The following NBPF3 variants were observed in gnomAD, a reference collection of about 807,000 sequenced individuals.
NBPF3 encodes NBPF member 3, also known as NBPF family member NBPF3.
In NBPF3, 57 loss-of-function variants were observed where a neutral mutation model predicts 78.1. The observed-to-expected ratio is 0.73, with a 90% CI of 0.59 to 0.91. The LOEUF is 0.91. NBPF3 is among the 40% of genes least tolerant of loss of function. NBPF3 has a pLI of 0.00. For synonymous variants in NBPF3, 182 were observed against 271.7 expected, an observed-to-expected ratio of 0.67 and a Z score of 3.25; for missense variants, 510 against 715.3, an observed-to-expected ratio of 0.71 and a Z score of 3.27.
chr1:21,477,002 T>C lies in NBPF3; in HGVS notation c.993-1142T>C, dbSNP rs572641280. ...TTTTACTCTTTTTTCTCTAAACTGC[T>C]CTTCTCACTTCATTTCATTAATTTG... On this transcript the variant is annotated intron_variant, in intron 8 of 14. Coordinates refer to ENST00000318249, the MANE Select transcript of NBPF3 (RefSeq NM_032264.6). Among the ~76,000 whole-genome samples the C allele has an allele frequency of 1.2e-4, 19 of 152,326 alleles. No homozygotes were observed. In the South Asian group the frequency reaches 3.9e-3, roughly 32 times the overall value.
intron 2 of NBPF3, among the ~76,000 whole-genome samples, chr1:21,462,151 T>C (rs1641984850): frequency 6.6e-6 from 1 of 152,152 alleles, no homozygotes; most frequent in Non-Finnish European, 1.5e-5. Context: ...CCATGCTTCT[T>C]GTACAGCCTG....
chr1:21,452,426 T>G (rs752590427), intron 2 of NBPF3, among the ~76,000 whole-genome samples: 2 of 152,170 alleles, frequency 1.3e-5, no homozygotes, highest in African/African-American at 2.4e-5. Context: ...GGAACCAGAA[T>G]AACAGAATAT....
rs1423996262 is a variant in NBPF3 at position 21,460,600 on chromosome 1, A to G, written c.134-8088A>G. ...TGGTTTTAAAAAGTTAATATTAACC[A>G]CTCTTCATCATACACTGAAATTAAC... On this transcript the variant is annotated intron_variant, in intron 2 of 14. Transcript: ENST00000318249. The surrounding 1 kb of genome is among the most constrained non-coding windows in gnomAD (Gnocchi z 4.2). 1.3e-5 allele frequency among the ~76,000 whole-genome samples: 2 copies of G among 152,240 alleles called. No homozygotes were observed. The highest frequency in any genetic ancestry group is 4.8e-5 in the African/African-American group (2 of 41,458).
chr1:21,441,725 A>G (rs1640663371), intron 1 of NBPF3, among the ~76,000 whole-genome samples: 2 of 150,960 alleles, frequency 1.3e-5, no homozygotes, highest in Admixed American at 1.3e-4. Context: ...AAAAAAAAAA[A>G]GTAATGAATT....
At chr1:21,469,279 G>A (rs1160426272) in intron 3 of NBPF3, among the ~76,000 whole-genome samples, 1 of 152,194 alleles carries the variant, frequency 6.6e-6, no homozygotes, top group Admixed American at 6.5e-5. Flanking sequence ...AACCCTTATT[G>A]TGTTCAAGCT....
chr1:21,460,972 G>A lies in NBPF3; in HGVS notation c.134-7716G>A, dbSNP rs959779960. ...TTCAATGAACATAAAATTTTGAGAA[G>A]ATATTTTCCATAAGAAGATATCTTA... On this transcript the variant is annotated intron_variant, in intron 2 of 14. Transcript: ENST00000318249. This position sits in a 1 kb window ranked among gnomAD's most constrained non-coding sequence, Gnocchi z 4.2. 4.6e-5 allele frequency among the ~76,000 whole-genome samples: 7 copies of A among 152,088 alleles called. No homozygotes were observed. Among genetic ancestry groups the A allele is most frequent in the Admixed American group, 3.9e-4 (6 of 15,278 alleles).
Position 21,468,808 on chromosome 1 carries a change from C to T in NBPF3, c.254C>T (p.Ala85Val), listed in dbSNP as rs1328608981. Residue 85 changes from alanine to valine, a missense_variant, in exon 3 of 15, where the codon GCA becomes GTA. Around this residue, in one of 5 missense-constraint regions of NBPF3, gnomAD observed 440 missense variants for 478.2 expected, o/e 0.92. Coordinates refer to ENST00000318249, the MANE Select transcript of NBPF3 (RefSeq NM_032264.6). ...AACAAGAAATCGCGCCCCCAGCTGG[C>T]AGAGAACAAACAGCAGTTCAGAAAC... ...EINKKSRPQL[A>V]ENKQQFRNLK... The T allele has an allele frequency of 5.6e-5, 90 of 1,614,004 alleles. No individual in the cohort carries two copies. The highest frequency in any genetic ancestry group is 7.5e-5 in the Non-Finnish European group (89 of 1,180,022).
At chr1:21,443,464 C>T (rs1471783595) in intron 1 of NBPF3, among the ~76,000 whole-genome samples, 1 of 152,174 alleles carries the variant, frequency 6.6e-6, no homozygotes, top group Non-Finnish European at 1.5e-5. Flanking sequence ...AAGGCAGTAA[C>T]ACTTTTATAC....
rs1464553871 is a variant in NBPF3 at position 21,442,834 on chromosome 1, G to C, written c.-139-2114G>C. On this transcript the variant is annotated intron_variant, in intron 1 of 14. Coordinates refer to ENST00000318249, the MANE Select transcript of NBPF3 (RefSeq NM_032264.6). ...GTGCCACCATGCCTGGCTAATTTTC[G>C]TATTTTTTGTAGAGATGGGGTTGCA... 2.0e-5 allele frequency among the ~76,000 whole-genome samples: 3 copies of C among 151,952 alleles called. No homozygotes were observed. The South Asian group carries it at 6.2e-4, about 32-fold the overall frequency.
chr1:21,448,093 A>G (rs1641093951), intron 2 of NBPF3, among the ~76,000 whole-genome samples: 1 of 151,926 alleles, frequency 6.6e-6, no homozygotes, highest in Non-Finnish European at 1.5e-5. Context: ...TGCTTTTTCC[A>G]TTCTCTTGAC....
At chr1:21,456,963 C>G (rs1231128498) in intron 2 of NBPF3, among the ~76,000 whole-genome samples, 2 of 152,070 alleles carry the variant, frequency 1.3e-5, no homozygotes, top group Non-Finnish European at 2.9e-5. Context: ...TGTTAATAAT[C>G]CTAGAAATCT....
chr1:21,455,494 CA>C (rs1367878105), intron 2 of NBPF3, among the ~76,000 whole-genome samples: 9 of 152,214 alleles, frequency 5.9e-5, no homozygotes, highest in Non-Finnish European at 1.3e-4. Flanking sequence ...CCTCCATAAA[CA>C]ACCGTAAAAT....
intron 1 of NBPF3, 98 bp downstream of exon 1, chr1:21,440,446 C>T (rs1395000638): frequency 9.1e-6 from 1 of 110,426 alleles, no homozygotes; most frequent in South Asian, 3.4e-4. Flanking sequence ...GTTGCGCGAG[C>T]GCGGGGGCGG....
intron 2 of NBPF3, among the ~76,000 whole-genome samples, chr1:21,447,183 C>T (rs868315152): frequency 6.6e-6 from 1 of 152,236 alleles, no homozygotes; most frequent in Non-Finnish European, 1.5e-5. Flanking sequence ...CTCCCCTGTC[C>T]TCCACACAAT....
At chr1:21,471,462 T>C in intron 4 of NBPF3, 107 bp from the exon 5 acceptor site, 4 of 1,549,112 alleles carry the variant, frequency 2.6e-6, no homozygotes, top group Non-Finnish European at 3.5e-6. Context: ...GACCTTCTGC[T>C]TGGAGGTCTC....
chr1:21,455,679 A>G (rs1343022101), intron 2 of NBPF3, among the ~76,000 whole-genome samples: 1 of 152,260 alleles, frequency 6.6e-6, no homozygotes, highest in African/African-American at 2.4e-5. Context: ...AGACCATTGA[A>G]GCAACTGCAA....
chr1:21,457,352 A>ATATATATATGTATG (rs1553390329), intron 2 of NBPF3, among the ~76,000 whole-genome samples: 4,425 of 144,156 alleles, frequency 0.031, 216 homozygotes, highest in African/African-American at 0.099. Flanking sequence ...GTGTGTGTAT[A>ATATATATATGTATG]TATATATATA....
At chr1:21,482,264 A>G (rs1335606141) in intron 13 of NBPF3, among the ~76,000 whole-genome samples, 3 of 139,924 alleles carry the variant, frequency 2.1e-5, no homozygotes, top group African/African-American at 8.3e-5. Flanking sequence ...TATTGGGATA[A>G]TGATCTACCA....
rs372318961 is a variant in NBPF3 at position 21,445,235 on chromosome 1, C to T, written c.133+16C>T. The T allele has an allele frequency of 2.5e-5, 40 of 1,610,052 alleles. No individual in the cohort carries two copies. In the African/African-American group the frequency reaches 4.1e-4, roughly 17 times the overall value. The stretch of plus-strand genomic sequence containing the variant: ...GATCCAACAGGTAAAAATCCCGAGG[C>T]ATTGCCAGCTCGGTGGGGTCAGAGA... On this transcript the variant is annotated intron_variant, in intron 2 of 14. Transcript: ENST00000318249.
Sources: allele counts gnomAD v4.1 joint callset (sites outside exome capture counted in the v4.1 genomes callset), GRCh38; gene constraint gnomAD v4.1.1; regional missense constraint gnomAD v4.1.1; non-coding constraint Gnocchi (gnomAD v3.1); transcripts MANE v1.5; gene names NCBI Gene and HGNC (gene_info 2026-07-23, HGNC 2026-07-21).